The following NELL1 variants were observed in gnomAD, a reference collection of about 807,000 sequenced individuals.
NELL1 encodes the protein neural EGFL like 1.
Under a neutral mutation model 107.4 loss-of-function variants are expected in NELL1, and 76 were observed. The observed-to-expected ratio is 0.71, with a 90% CI of 0.59 to 0.86. NELL1 has a LOEUF of 0.86. Ranked by LOEUF, NELL1 falls within the 40% of genes least tolerant of loss-of-function variation. The pLI, the probability that NELL1 is intolerant of heterozygous loss-of-function variation, is 0.00. For missense variants in NELL1, 1,024 were observed against 1,005.5 expected, an observed-to-expected ratio of 1.02 and a Z score of -0.25; for synonymous variants, 353 against 341.2, an observed-to-expected ratio of 1.03 and a Z score of -0.38.
intron 15 of NELL1, among the ~76,000 whole-genome samples, chr11:21,417,007 G>A (rs1359456311): frequency 6.6e-6 from 1 of 151,872 alleles, no homozygotes; most frequent in Non-Finnish European, 1.5e-5. Context: ...TAAATAATTT[G>A]CCCGAAGTCC....
At chr11:21,303,080 A>ATATCTATATC (rs1320375334) in intron 14 of NELL1, among the ~76,000 whole-genome samples, 3 of 76,360 alleles carry the variant, frequency 3.9e-5, no homozygotes, top group Non-Finnish European at 1.0e-4. Context: ...CTCTATATCT[A>ATATCTATATC]TATCTATATC....
chr11:20,738,448 A>C (rs11828787), intron 2 of NELL1, among the ~76,000 whole-genome samples: 2 of 152,136 alleles, frequency 1.3e-5, no homozygotes, highest in African/African-American at 2.4e-5. Context: ...AAGCAGGAGC[A>C]CTTCAGCTTA....
At position 21,471,915 on chromosome 11, in the gene NELL1, G is replaced by A. The variant is rs536955100; in HGVS notation, c.1646-62459G>A. ...AAAGCTGCAACTGATATATAAAAATGAAATTATTTGTTTCACATTACATAT... is the reference window on the plus strand; with the variant it reads ...AAAGCTGCAACTGATATATAAAAATAAAATTATTTGTTTCACATTACATAT... On this transcript the variant is annotated intron_variant, in intron 15 of 19. Coordinates refer to ENST00000357134, the MANE Select transcript of NELL1 (RefSeq NM_006157.5). Among the ~76,000 whole-genome samples, 37 of 152,118 alleles carry A rather than the reference G, an allele frequency of 2.4e-4. No homozygotes were observed. In the South Asian group the frequency reaches 5.4e-3, roughly 22 times the overall value.
chr11:21,435,481 C>CGTTTTTT (rs1214984661), intron 15 of NELL1, among the ~76,000 whole-genome samples: 2 of 132,570 alleles, frequency 1.5e-5, no homozygotes, highest in East Asian at 2.2e-4. Context: ...TAGCTTTTAT[C>CGTTTTTT]GTTTTTTGTT....
At chr11:21,086,462 A>C (rs1488143061) in intron 12 of NELL1, among the ~76,000 whole-genome samples, 2 of 152,190 alleles carry the variant, frequency 1.3e-5, no homozygotes, top group African/African-American at 4.8e-5. Flanking sequence ...AAGTCTTTTC[A>C]GGTCATCAAT....
chr11:21,100,386 A>T (rs563849711), intron 12 of NELL1, among the ~76,000 whole-genome samples: 1 of 152,290 alleles, frequency 6.6e-6, no homozygotes. Context: ...TGCAACAATC[A>T]TCGCTATTTT....
At chr11:20,710,784 C>A (rs1377935762) in intron 2 of NELL1, among the ~76,000 whole-genome samples, 1 of 151,790 alleles carries the variant, frequency 6.6e-6, no homozygotes, top group South Asian at 2.1e-4. Context: ...TTTTATCCAT[C>A]TCCTCTAGAT....
intron 12 of NELL1, among the ~76,000 whole-genome samples, chr11:20,991,543 A>G (rs1447780280): frequency 6.6e-6 from 1 of 152,218 alleles, no homozygotes; most frequent in African/African-American, 2.4e-5. Context: ...TAAAATCCAG[A>G]TTGGTCTGAT....
At chr11:21,050,175 C>G (rs1246235832) in intron 12 of NELL1, among the ~76,000 whole-genome samples, 8 of 152,104 alleles carry the variant, frequency 5.3e-5, no homozygotes, top group Non-Finnish European at 8.8e-5. Context: ...CCCACTCCTT[C>G]TTAGCACATG....
chr11:20,864,660 T>C (rs992705477), intron 4 of NELL1, among the ~76,000 whole-genome samples: 1 of 152,246 alleles, frequency 6.6e-6, no homozygotes, highest in South Asian at 2.1e-4. Context: ...CTGTTGCTGC[T>C]GCCTTCTCAA....
chr11:21,186,742 C>A (rs1377708200), intron 13 of NELL1, among the ~76,000 whole-genome samples: 3 of 151,776 alleles, frequency 2.0e-5, no homozygotes, highest in Non-Finnish European at 4.4e-5. Context: ...GCAATGCAAG[C>A]CTTGCTGGCA....
At chr11:21,303,800 C>A (rs1162038794) in intron 14 of NELL1, among the ~76,000 whole-genome samples, 1 of 152,024 alleles carries the variant, frequency 6.6e-6, no homozygotes, top group Non-Finnish European at 1.5e-5. Context: ...AAAACAGAAA[C>A]ATGTTTCTTA....
chr11:20,752,507 C>A (rs1039092666), intron 2 of NELL1, among the ~76,000 whole-genome samples: 49 of 152,174 alleles, frequency 3.2e-4, no homozygotes, highest in Non-Finnish European at 7.1e-4. Flanking sequence ...CAGGATCGCA[C>A]CATTGCACTC....
At chr11:21,562,351 ATGCACCTTCAC>A (rs1325631565) in intron 17 of NELL1, among the ~76,000 whole-genome samples, 1 of 152,034 alleles carries the variant, frequency 6.6e-6, no homozygotes, top group African/African-American at 2.4e-5. Context: ...TGTTAATATG[ATGCACCTTCAC>A]TGCAAAGCAC....
intron 14 of NELL1, among the ~76,000 whole-genome samples, chr11:21,322,877 C>T (rs1850044798): frequency 6.6e-6 from 1 of 152,096 alleles, no homozygotes; most frequent in Non-Finnish European, 1.5e-5. Flanking sequence ...CAAGCAATTT[C>T]TCCCAATTTC....
chr11:21,204,669 G>A (rs563444029), intron 13 of NELL1, among the ~76,000 whole-genome samples: 33 of 151,910 alleles, frequency 2.2e-4, no homozygotes, highest in Non-Finnish European at 4.3e-4. Flanking sequence ...GAGGAGTTGT[G>A]ATCCTTTGGA....
chr11:20,872,466 C>A (rs1003064083), intron 4 of NELL1, among the ~76,000 whole-genome samples: 7 of 152,098 alleles, frequency 4.6e-5, no homozygotes, highest in African/African-American at 1.7e-4. Flanking sequence ...CAGGTATGAG[C>A]CACATGGGGC....
At chr11:20,844,912 G>C (rs180944674) in intron 3 of NELL1, among the ~76,000 whole-genome samples, 1 of 152,284 alleles carries the variant, frequency 6.6e-6, no homozygotes, top group Non-Finnish European at 1.5e-5. Flanking sequence ...TTCCCTCCAG[G>C]CTACAGCCAA....
chr11:21,381,913 T>A (rs1156606784), intron 15 of NELL1, among the ~76,000 whole-genome samples: 5 of 54,648 alleles, frequency 9.1e-5, no homozygotes, highest in Non-Finnish European at 1.7e-4. Context: ...GATTTTTTTT[T>A]TTTTTTTTTT....
Sources: gnomAD v4.1 joint callset for allele counts (sites outside exome capture counted in the v4.1 genomes callset) on GRCh38, gnomAD v4.1.1 for gene constraint, MANE v1.5 for transcripts, NCBI Gene and HGNC (gene_info 2026-07-23, HGNC 2026-07-21) for gene names.